MTUS1: variants seen among roughly 807,000 people sequenced by gnomAD.
MTUS1 encodes the protein microtubule-associated tumor suppressor 1.
A neutral mutation model predicts 120.8 loss-of-function variants in MTUS1; 109 were observed. That is an observed-to-expected ratio of 0.90 (90% confidence interval 0.77 to 1.06). MTUS1 has a LOEUF of 1.06. Ranked by LOEUF, MTUS1 falls within the 50% of genes least tolerant of loss-of-function variation. The probability of loss-of-function intolerance (pLI) is 0.00; values close to 1 mark genes in which losing one functional copy is unlikely to be tolerated. For synonymous variants in MTUS1, 737 were observed against 550.5 expected (o/e 1.34, Z -4.74); for missense variants, 2,210 against 1,486.3 (o/e 1.49, Z -8.01).
intron 1 of MTUS1, among the ~76,000 whole-genome samples, chr8:17,787,025 C>G (rs1027264090): frequency 6.6e-6 from 1 of 152,184 alleles, no homozygotes; most frequent in African/African-American, 2.4e-5. Context: ...TGAGGCTGAC[C>G]TCATTGCTGA....
At chr8:17,785,132 T>A (rs1023226139) in intron 1 of MTUS1, among the ~76,000 whole-genome samples, 1 of 66,480 alleles carries the variant, frequency 1.5e-5, no homozygotes, top group South Asian at 3.3e-4. Context: ...AGGTCCTCTA[T>A]CACATGCAGC....
intron 3 of MTUS1, among the ~76,000 whole-genome samples, chr8:17,735,400 C>T (rs574255814): frequency 6.6e-6 from 1 of 152,274 alleles, no homozygotes; most frequent in East Asian, 1.9e-4. Flanking sequence ...TTCTACTATC[C>T]GTTCCCAAAA....
intron 13 of MTUS1, among the ~76,000 whole-genome samples, chr8:17,647,882 G>T (rs1806163021): frequency 6.6e-6 from 1 of 152,176 alleles, no homozygotes; most frequent in Admixed American, 6.5e-5. Flanking sequence ...CTAAGTCCTT[G>T]TCCTTGTAGC....
intron 6 of MTUS1, among the ~76,000 whole-genome samples, chr8:17,700,643 G>C (rs189517006): frequency 2.0e-5 from 3 of 151,834 alleles, no homozygotes; most frequent in Non-Finnish European, 2.9e-5. Context: ...AGGTAGAAGA[G>C]GGAGGATTTC....
intron 1 of MTUS1, among the ~76,000 whole-genome samples, chr8:17,763,617 G>C (rs781519445): frequency 3.3e-5 from 5 of 152,078 alleles, no homozygotes; most frequent in Non-Finnish European, 1.5e-5. Flanking sequence ...CCAGAGCCAG[G>C]ACGACGGTGC....
At chr8:17,711,836 G>A (rs1277360809) in intron 6 of MTUS1, among the ~76,000 whole-genome samples, 1 of 152,056 alleles carries the variant, frequency 6.6e-6, no homozygotes, top group Non-Finnish European at 1.5e-5. Flanking sequence ...GGTCATTATA[G>A]GGCTATTAAT....
chr8:17,707,484 C>A (rs1406356269), intron 6 of MTUS1, among the ~76,000 whole-genome samples: 3 of 151,958 alleles, frequency 2.0e-5, no homozygotes, highest in Non-Finnish European at 4.4e-5. Flanking sequence ...CAGAGGCCTA[C>A]CACACAATCT....
intron 6 of MTUS1, among the ~76,000 whole-genome samples, chr8:17,689,490 C>T (rs1252062522): frequency 6.6e-6 from 1 of 152,172 alleles, no homozygotes; most frequent in Non-Finnish European, 1.5e-5. Flanking sequence ...CCTGAAGCAA[C>T]AGTCCAAACT....
chr8:17,756,645 C>A (rs1218168220), intron 1 of MTUS1, among the ~76,000 whole-genome samples: 1 of 144,126 alleles, frequency 6.9e-6, no homozygotes, highest in Non-Finnish European at 1.5e-5. Context: ...TTCCCCACCC[C>A]TCTCCAATTC....
chr8:17,745,720 A>G (rs1338014323), intron 2 of MTUS1, among the ~76,000 whole-genome samples: 1 of 152,106 alleles, frequency 6.6e-6, no homozygotes, highest in Non-Finnish European at 1.5e-5. Flanking sequence ...TAATAACTCC[A>G]TTCTCTGGTT....
At position 17,655,947 on chromosome 8, in the gene MTUS1, T is replaced by C; in HGVS notation, c.3024A>G (p.Lys1008=). Residue 1008 remains lysine, a synonymous_variant, in exon 9 of 15, where the codon AAA becomes AAG. Transcript: ENST00000693296. ...AEKTERENRL[K]EFYTREYEKL... ...TTTCATACTCCCTGGTGTAAAACTC[T>C]TTAAGCCGATTCTCTCGTTCTGTTT... 1 of 1,614,224 alleles carries C rather than the reference T, an allele frequency of 6.2e-7. No homozygotes were observed. The highest frequency in any genetic ancestry group is 1.7e-5 in the Admixed American group (1 of 60,020).
intron 8 of MTUS1, among the ~76,000 whole-genome samples, chr8:17,669,958 T>C (rs942088608): frequency 1.1e-4 from 16 of 152,180 alleles, no homozygotes; most frequent in African/African-American, 2.4e-4. Context: ...AGGTGACCCA[T>C]TGGGTAGCTG....
Position 17,738,764 on chromosome 8 carries a change from G to T in MTUS1, c.2287+4840C>A, listed in dbSNP as rs555396939. Reference sequence around the variant, plus strand: ...TCATTCACATCAGAGTTAACATCAAGCTTTAAACCAAGGCCTGAAAAGAAA... The same window carrying T: ...TCATTCACATCAGAGTTAACATCAATCTTTAAACCAAGGCCTGAAAAGAAA... On this transcript the variant is annotated intron_variant, in intron 3 of 14. Coordinates refer to ENST00000693296, the MANE Select transcript of MTUS1 (RefSeq NM_001363059.2). Among the ~76,000 whole-genome samples, 5 of 152,170 alleles carry T rather than the reference G, an allele frequency of 3.3e-5. No individual in the cohort carries two copies. In the East Asian group the frequency reaches 9.7e-4, roughly 29 times the overall value.
At chr8:17,768,405 A>G (rs998767211) in intron 1 of MTUS1, among the ~76,000 whole-genome samples, 1 of 152,372 alleles carries the variant, frequency 6.6e-6, no homozygotes, top group Admixed American at 6.5e-5. Context: ...GCATAGAGAC[A>G]GATACTAGTT....
intron 3 of MTUS1, among the ~76,000 whole-genome samples, chr8:17,741,744 G>A (rs542065628): frequency 6.6e-6 from 1 of 152,244 alleles, no homozygotes; most frequent in Non-Finnish European, 1.5e-5. Flanking sequence ...TGGGATTCAA[G>A]CCCCACGAAA....
intron 6 of MTUS1, among the ~76,000 whole-genome samples, chr8:17,696,258 G>T (rs199531691): frequency 7.2e-5 from 11 of 152,080 alleles, no homozygotes; most frequent in African/African-American, 2.4e-4. Flanking sequence ...ACGAGAGAGA[G>T]GTGCTGGAAA....
In MTUS1 at chr8:17,786,536, C is replaced by G. The variant is rs1018420516; in HGVS notation, c.-155+14525G>C. Among the ~76,000 whole-genome samples the G allele has an allele frequency of 2.1e-5, 3 of 142,918 alleles. No homozygotes were observed. In the Admixed American group the frequency reaches 2.2e-4, roughly 11 times the overall value. The allele number at this position is 142,918 out of a possible 152,430, so 93.8% of individuals were successfully genotyped here. ...AAATCCTCAAGGAGATATTTATCTG[C>G]AAGCGACTCTTTGAAACCAAAAAAC... On this transcript the variant is annotated intron_variant, in intron 1 of 14. Transcript: ENST00000693296.
chr8:17,672,447 GACA>G (rs906803816), intron 8 of MTUS1, among the ~76,000 whole-genome samples: 1 of 152,132 alleles, frequency 6.6e-6, no homozygotes, highest in African/African-American at 2.4e-5. Context: ...CGGACAGTGT[GACA>G]ACATCAGCCT....
intron 1 of MTUS1, among the ~76,000 whole-genome samples, chr8:17,788,606 A>T (rs2051506487): frequency 6.6e-6 from 1 of 152,214 alleles, no homozygotes; most frequent in Admixed American, 6.5e-5. Flanking sequence ...ATCATGTGCC[A>T]GCTGCCTGCA....
Sources: allele counts gnomAD v4.1 joint callset (sites outside exome capture counted in the v4.1 genomes callset), GRCh38; gene constraint gnomAD v4.1.1; transcripts MANE v1.5; gene names NCBI Gene and HGNC (gene_info 2026-07-23, HGNC 2026-07-21).